PLCH2: variants seen among roughly 807,000 people sequenced by gnomAD.
PLCH2 encodes the protein 1-phosphatidylinositol 4,5-bisphosphate phosphodiesterase eta-2.
In PLCH2, 98 loss-of-function variants were observed where a neutral mutation model predicts 134.7. That is an observed-to-expected ratio of 0.73 (90% CI 0.62 to 0.86). The LOEUF (loss-of-function observed/expected upper bound fraction) is 0.86. Among genes scored for constraint, PLCH2 ranks in the 40% least tolerant of loss-of-function variants. The pLI is 0.00. For missense variants in PLCH2, 1,994 were observed against 1,986.6 expected (o/e 1.00, Z -0.07); for synonymous variants, 974 against 827.5 (o/e 1.18, Z -3.04).
chr1:2,477,927 G>A (rs1291746239), intron 1 of PLCH2, among the ~76,000 whole-genome samples: 2 of 152,226 alleles, frequency 1.3e-5, no homozygotes, highest in East Asian at 3.8e-4. Context: ...TGTGGCCAGG[G>A]GCGGGGGCAG....
In PLCH2 at chr1:2,497,607, A is replaced by G; in HGVS notation, c.2222A>G (p.Gln741Arg). 6.4e-7 allele frequency: 1 copy of G among 1,550,552 alleles called. No individual in the cohort carries two copies. Among genetic ancestry groups the G allele is most frequent in the Non-Finnish European group, 8.7e-7 (1 of 1,145,010 alleles). Residue 741 changes from glutamine (Q) to arginine (R), a missense_variant and splice_region_variant, in exon 16 of 22, where the codon CAG becomes CGG. Physicochemically the swap from Gln to Arg is conservative, Grantham distance 43. Transcript: ENST00000378486. ...GTACTCAAGCCTGGGTGCATGTGCC[A>G]GGGTGAGGCACTCGGACACTCAGGG... Reference protein sequence around the residue: ...GYVLKPGCMCQGVFNPNSEDP... With the variant: ...GYVLKPGCMCRGVFNPNSEDP...
upstream of PLCH2, among the ~76,000 whole-genome samples, chr1:2,464,465 C>T (rs572239119): frequency 1.3e-5 from 2 of 152,226 alleles, no homozygotes; most frequent in African/African-American, 4.8e-5. Flanking sequence ...CTGGAGCAAC[C>T]CTGGCCTATA....
chr1:2,424,009 C>G (rs1278204624), upstream of PLCH2, among the ~76,000 whole-genome samples: 3 of 152,152 alleles, frequency 2.0e-5, no homozygotes, highest in Non-Finnish European at 4.4e-5. Context: ...AAGTGGTGCT[C>G]CCACCCTGGC....
intron 2 of PLCH2, among the ~76,000 whole-genome samples, chr1:2,456,007 G>A (rs1640473560): frequency 2.0e-5 from 3 of 152,252 alleles, no homozygotes; most frequent in Admixed American, 6.5e-5. Flanking sequence ...CTCGGCAAGT[G>A]GTGCACTGTG....
chr1:2,490,455 G>T (rs1642511289), intron 10 of PLCH2, among the ~76,000 whole-genome samples: 1 of 152,080 alleles, frequency 6.6e-6, no homozygotes, highest in African/African-American at 2.4e-5. Context: ...GAGATGGGAG[G>T]GTCCTGTGAG....
rs780373068 is a variant in PLCH2, at chr1:2,496,817, C to T, written c.1934-11C>T. 74 of 1,610,838 alleles carry T rather than the reference C, an allele frequency of 4.6e-5. No individual in the cohort carries two copies. Among genetic ancestry groups the T allele is most frequent in the African/African-American group, 1.5e-4 (11 of 75,040 alleles). On this transcript the variant is annotated splice_polypyrimidine_tract_variant and intron_variant, in intron 14 of 21. Transcript: ENST00000378486. The stretch of plus-strand genomic sequence containing the variant: ...GACTGGCAGTCTGATGCCCGGTCAC[C>T]GGCGCCACAGCGGCGTCCAGCTGGC...
At chr1:2,473,619 C>T (rs925202645), upstream of PLCH2, among the ~76,000 whole-genome samples, 8 of 152,236 alleles carry the variant, frequency 5.3e-5, no homozygotes, top group Non-Finnish European at 8.8e-5. Context: ...CCGTCCCTCC[C>T]TGTCCACCTG....
At chr1:2,422,817 A>G (rs968022582), upstream of PLCH2, among the ~76,000 whole-genome samples, 4 of 152,208 alleles carry the variant, frequency 2.6e-5, no homozygotes, top group African/African-American at 9.6e-5. Context: ...TGTTGGGATT[A>G]CAGGCATGAG....
upstream of PLCH2, among the ~76,000 whole-genome samples, chr1:2,423,165 G>GT (rs759846444): frequency 3.4e-4 from 49 of 142,224 alleles, no homozygotes; most frequent in African/African-American, 8.5e-4. Flanking sequence ...GTTTTATTTA[G>GT]TTTTTTTGTT....
chr1:2,503,933 C>A lies in PLCH2; in HGVS notation c.2971C>A (p.Leu991Ile). 8.6e-7 allele frequency: 1 copy of A among 1,165,378 alleles called. No homozygotes were observed. The highest frequency in any genetic ancestry group is 1.2e-6 in the Non-Finnish European group (1 of 802,880). 72.2% of individuals were successfully genotyped at this position (1,165,378 alleles called of 1,614,324 possible). A position where few individuals can be genotyped will look rare whatever the true frequency, so the allele number is the denominator to read the frequency against. The stretch of plus-strand genomic sequence containing the variant: ...CCACCTCCCCACAGACACCCGCCCC[C>A]TCTCCACGCAGCGGCCACTCCCCCC... ...GSGSPRDTRP[L>I]STQRPLPPLC... Residue 991 changes from leucine (L) to isoleucine (I), a missense_variant, in exon 22 of 22, where the codon CTC becomes ATC. This residue lies in a region of PLCH2 where 900 missense variants were observed against 752.3 expected (regional missense o/e 1.20). Transcript: ENST00000378486.
chr1:2,488,624 T>C (rs150923811), intron 8 of PLCH2, among the ~76,000 whole-genome samples: 28 of 152,310 alleles, frequency 1.8e-4, no homozygotes, highest in African/African-American at 5.8e-4. Flanking sequence ...AAGTAAAACA[T>C]ACACATGGTT....
intron 2 of PLCH2, among the ~76,000 whole-genome samples, chr1:2,462,372 GCCTCCACCTGACACCC>G (rs1416085143): frequency 4.1e-5 from 1 of 24,502 alleles, no homozygotes; most frequent in Non-Finnish European, 7.5e-5. Context: ...CTCTGACACC[GCCTCCACCTGACACCC>G]CCTCCGCCTG....
rs987452947 is a variant in PLCH2, at chr1:2,502,404, C to T, written c.2954C>T (p.Pro985Leu). 9 of 1,543,978 alleles carry T rather than the reference C, an allele frequency of 5.8e-6. No homozygotes were observed. The African/African-American group carries it at 1.2e-4, about 21-fold the overall frequency. ...CAGGAGGGGCCCGGCAGCGGCAGCC[C>T]CCGAGGTAAGGCGCCAGCTGCGGTG... is the stretch of plus-strand genomic sequence containing the variant. ...PAQEGPGSGS[P>L]RDTRPLSTQR... is the part of the protein sequence containing the mutation. The change falls in exon 21 of 22, where the codon CCC (proline) becomes CTC (leucine). Residue 985 changes from proline to leucine, a missense_variant. Physicochemically the swap from Pro to Leu is moderately conservative, Grantham distance 98. Coordinates refer to ENST00000378486, the MANE Select transcript of PLCH2 (RefSeq NM_014638.4).
upstream of PLCH2, among the ~76,000 whole-genome samples, chr1:2,474,826 C>T (rs1383454512): frequency 1.3e-5 from 2 of 152,152 alleles, no homozygotes; most frequent in African/African-American, 4.8e-5. Flanking sequence ...GGGCAGGGGC[C>T]CTGGGCCAGG....
intron 2 of PLCH2, among the ~76,000 whole-genome samples, chr1:2,435,566 C>T (rs1639289715): frequency 6.6e-6 from 1 of 152,030 alleles, no homozygotes; most frequent in African/African-American, 2.4e-5. Context: ...CCAGGGACCT[C>T]AATGGGGTCC....
At position 2,487,306 on chromosome 1, in the gene PLCH2, C is replaced by T. The variant is rs764296975; in HGVS notation, c.1044C>T (p.Asp348=). ...CCCACAACACCTACCTCGTGGGTGA[C>T]CAGCTCATGTCCCAGTCACGGGTGG... ...TSSHNTYLVG[D]QLMSQSRVDM... The change falls in exon 7 of 22, where the codon GAC becomes GAT. Residue 348 remains aspartate (D), a synonymous_variant. Transcript: ENST00000378486. The T allele has an allele frequency of 2.5e-6, 4 of 1,613,724 alleles. No homozygotes were observed. The highest frequency in any genetic ancestry group is 2.2e-5 in the East Asian group (1 of 44,898).
intron 2 of PLCH2, chr1:2,479,245 G>A (rs922128883): frequency 6.0e-6 from 1 of 166,988 alleles, no homozygotes; most frequent in African/African-American, 2.4e-5. Context: ...CAAGCGTGTA[G>A]CCACTTTGGG....
chr1:2,469,272 C>A (rs1227635692), intron 1 of PLCH2, among the ~76,000 whole-genome samples: 1 of 152,188 alleles, frequency 6.6e-6, no homozygotes, highest in East Asian at 1.9e-4. Flanking sequence ...TTCCAGGAGA[C>A]CCAGCACACT....
chr1:2,494,804 T>TA, intron 11 of PLCH2, 52 bp from the exon 12 acceptor site: 2 of 1,321,146 alleles, frequency 1.5e-6, no homozygotes, highest in Non-Finnish European at 2.1e-6. Flanking sequence ...CCGGCCTCCC[T>TA]GCCTGGTTCA....
Sources: allele counts gnomAD v4.1 joint callset (sites outside exome capture counted in the v4.1 genomes callset), GRCh38; gene constraint gnomAD v4.1.1; regional missense constraint gnomAD v4.1.1; transcripts MANE v1.5; gene names NCBI Gene and HGNC (gene_info 2026-07-23, HGNC 2026-07-21).